Variants in PTPRQ observed in about 807,000 individuals in gnomAD.
The protein encoded by PTPRQ is phosphatidylinositol phosphatase PTPRQ.
A neutral mutation model predicts 246.0 loss-of-function variants in PTPRQ; 199 were observed. That is an observed-to-expected ratio of 0.81 (90% CI 0.72 to 0.91). The LOEUF (loss-of-function observed/expected upper bound fraction) is 0.91, where lower values mean the gene tolerates loss of function less well. Ranked by LOEUF, PTPRQ falls within the 40% of genes least tolerant of loss-of-function variation. The pLI is 0.00. For missense variants in PTPRQ, 2,624 were observed against 2,528.4 expected (o/e 1.04, Z -0.81); for synonymous variants, 869 against 853.2 (o/e 1.02, Z -0.32).
intron 8 of PTPRQ, among the ~76,000 whole-genome samples, chr12:80,479,197 C>T (rs1893938234): frequency 6.6e-6 from 1 of 150,730 alleles, no homozygotes. Flanking sequence ...ACCCTACAAG[C>T]CAGAAGAGAG....
chr12:80,456,222 GT>G (rs1168256127), intron 3 of PTPRQ, among the ~76,000 whole-genome samples: 3 of 152,100 alleles, frequency 2.0e-5, no homozygotes, highest in African/African-American at 7.2e-5. Flanking sequence ...TTGCCAGGAA[GT>G]TTTTTCTTAC....
intron 25 of PTPRQ, among the ~76,000 whole-genome samples, chr12:80,564,476 T>C (rs1033516617): frequency 3.3e-5 from 5 of 152,170 alleles, no homozygotes; most frequent in African/African-American, 4.8e-5. Flanking sequence ...CAGAAGTTCA[T>C]CCATGGGTAT....
intron 26 of PTPRQ, among the ~76,000 whole-genome samples, chr12:80,595,483 T>C (rs951511525): frequency 2.4e-4 from 36 of 152,116 alleles, no homozygotes; most frequent in Admixed American, 2.4e-3. Context: ...TGCATTGTTA[T>C]TGCCAAAATT....
intron 3 of PTPRQ, among the ~76,000 whole-genome samples, chr12:80,455,774 T>G (rs1214170840): frequency 6.6e-6 from 1 of 151,268 alleles, no homozygotes; most frequent in Non-Finnish European, 1.5e-5. Flanking sequence ...CGTATTTTAT[T>G]TTTTTTTAGC....
chr12:80,600,589 A>G (rs188555676), intron 26 of PTPRQ, among the ~76,000 whole-genome samples: 75 of 151,908 alleles, frequency 4.9e-4, no homozygotes, highest in African/African-American at 1.7e-3. Context: ...GGGCAACGAT[A>G]ATGTGCCACT....
At chr12:80,620,740 A>G (rs1360364458) in intron 32 of PTPRQ, among the ~76,000 whole-genome samples, 2 of 151,776 alleles carry the variant, frequency 1.3e-5, no homozygotes, top group African/African-American at 4.8e-5. Context: ...ATCCATGCTG[A>G]TGTACAGGAT....
At position 80,496,273 on chromosome 12, in the gene PTPRQ, G is replaced by A. The variant is rs1178138412; in HGVS notation, c.2014G>A (p.Val672Ile). The change falls in exon 14 of 45, where the codon GTC becomes ATC. Residue 672 changes from valine (V) to isoleucine (I), a missense_variant. By Grantham distance (29) the Val-to-Ile change is conservative. Transcript: ENST00000644991. Reference sequence around the variant, plus strand: ...AGAACCGGAATCATCACCTCAAGATGTCGAAGTAATTGATGTTACCGCAGA... The same window carrying A: ...AGAACCGGAATCATCACCTCAAGATATCGAAGTAATTGATGTTACCGCAGA... ...EDEPESSPQD[V>I]EVIDVTADEI... The A allele has an allele frequency of 1.3e-6, 2 of 1,550,366 alleles. No homozygotes were observed. The highest frequency in any genetic ancestry group is 2.7e-5 in the African/African-American group (2 of 72,934).
rs1898260592 is a variant in PTPRQ, at chr12:80,604,943, T to G, written c.4610-116T>G. On this transcript the variant is annotated intron_variant, in intron 26 of 44. Coordinates refer to ENST00000644991, the MANE Select transcript of PTPRQ (RefSeq NM_001145026.2). ...TAGCACTCTGTGAAATATAAATTAA[T>G]GTAAAATTAAAATTAATTTATTATG... 5.5e-6 allele frequency: 6 copies of G among 1,083,084 alleles called. No individual in the cohort carries two copies. The East Asian group carries it at 1.8e-4, about 33-fold the overall frequency. The allele number at this position is 1,083,084 out of a possible 1,614,324, so 67.1% of individuals were successfully genotyped here.
chr12:80,669,750 CTTTAT>C (rs1185311315), intron 41 of PTPRQ, among the ~76,000 whole-genome samples: 1 of 151,958 alleles, frequency 6.6e-6, no homozygotes, highest in Non-Finnish European at 1.5e-5. Flanking sequence ...AGATCACTAG[CTTTAT>C]TTTATCTAAT....
Position 80,678,955 on chromosome 12 carries a change from C to T in PTPRQ, c.6863-31C>T, listed in dbSNP as rs1185350338. The T allele has an allele frequency of 1.1e-5, 17 of 1,527,376 alleles. 1 individual carries two copies. The East Asian group carries it at 2.5e-4, about 22-fold the overall frequency. 94.6% of individuals were successfully genotyped at this position (1,527,376 alleles called of 1,614,324 possible). On this transcript the variant is annotated intron_variant, in intron 44 of 44. Transcript: ENST00000644991. ...CAATTTTGAACTGTTAACTTCAACA[C>T]TCTCTTGTAACATGTTACTTTCTGT...
At chr12:80,641,884 G>GCT (rs894544128) in intron 35 of PTPRQ, among the ~76,000 whole-genome samples, 11 of 139,122 alleles carry the variant, frequency 7.9e-5, no homozygotes, top group Non-Finnish European at 1.8e-4. Context: ...TCTCTCTCTT[G>GCT]CTCTCTCTCT....
rs11114507 is a variant in PTPRQ at position 80,546,830 on chromosome 12, C to T, written c.4015+133C>T. 0.11 allele frequency: 123,304 copies of T among 1,075,560 alleles called. 7,820 individuals are homozygous for T. The highest frequency in any genetic ancestry group is 0.14 in the African/African-American group (8,787 of 62,402). The allele number at this position is 1,075,560 out of a possible 1,614,324, so 66.6% of individuals were successfully genotyped here. A position where few individuals can be genotyped will look rare whatever the true frequency, so the allele number is the denominator to read the frequency against. On this transcript the variant is annotated intron_variant, in intron 24 of 44. Coordinates refer to ENST00000644991, the MANE Select transcript of PTPRQ (RefSeq NM_001145026.2). Reference sequence around the variant, plus strand: ...AGGGAAATTGCATTTCAGTGCTTTACGTTTAGTCTTGGTCTTGTGTGAAAT... The same window carrying T: ...AGGGAAATTGCATTTCAGTGCTTTATGTTTAGTCTTGGTCTTGTGTGAAAT...
intron 6 of PTPRQ, chr12:80,465,418 C>T (rs983660339): frequency 2.4e-4 from 37 of 152,172 alleles, no homozygotes; most frequent in African/African-American, 8.7e-4. Flanking sequence ...CCGAATTCTA[C>T]CAGAGGTACA....
At chr12:80,514,573 A>C (rs1895228436) in intron 17 of PTPRQ, among the ~76,000 whole-genome samples, 1 of 143,640 alleles carries the variant, frequency 7.0e-6, no homozygotes, top group South Asian at 2.1e-4. Flanking sequence ...ATATTATACA[A>C]ATATATATAT....
intron 26 of PTPRQ, among the ~76,000 whole-genome samples, chr12:80,598,504 G>A (rs1592701709): frequency 6.6e-6 from 1 of 151,974 alleles, no homozygotes; most frequent in South Asian, 2.1e-4. Context: ...GAATCCACCA[G>A]CGAGTTGGAT....
chr12:80,631,275 A>G (rs1226683987), intron 33 of PTPRQ, among the ~76,000 whole-genome samples: 1 of 152,132 alleles, frequency 6.6e-6, no homozygotes, highest in Non-Finnish European at 1.5e-5. Context: ...TACCTGGTTG[A>G]TGAAATCATC....
chr12:80,522,382 A>G (rs1386648320), intron 17 of PTPRQ, among the ~76,000 whole-genome samples: 1 of 152,192 alleles, frequency 6.6e-6, no homozygotes, highest in East Asian at 1.9e-4. Flanking sequence ...CGACCTGGCC[A>G]GAACTTCCAA....
intron 25 of PTPRQ, among the ~76,000 whole-genome samples, chr12:80,565,104 A>G (rs1896939445): frequency 6.6e-6 from 1 of 152,240 alleles, no homozygotes; most frequent in African/African-American, 2.4e-5. Context: ...AAATGTTTAA[A>G]GTTCCTACAT....
At chr12:80,660,852 C>T (rs1458360127) in intron 39 of PTPRQ, among the ~76,000 whole-genome samples, 1 of 151,988 alleles carries the variant, frequency 6.6e-6, no homozygotes, top group Non-Finnish European at 1.5e-5. Flanking sequence ...GTCCTCTCTT[C>T]TTTGATCCCT....
Sources: allele counts gnomAD v4.1 joint callset (sites outside exome capture counted in the v4.1 genomes callset), GRCh38; gene constraint gnomAD v4.1.1; transcripts MANE v1.5; gene names NCBI Gene and HGNC (gene_info 2026-07-23, HGNC 2026-07-21).